SCHIP1: variants seen among roughly 807,000 people sequenced by gnomAD.
The protein encoded by SCHIP1 is schwannomin-interacting protein 1.
In SCHIP1, 8 loss-of-function variants were observed where a neutral mutation model predicts 29.7. The observed-to-expected ratio is 0.27, with a 90% CI of 0.16 to 0.49. The LOEUF (loss-of-function observed/expected upper bound fraction) is 0.49. Ranked by LOEUF, SCHIP1 falls within the 20% of genes least tolerant of loss-of-function variation. SCHIP1 has a pLI of 0.99. For synonymous variants in SCHIP1, 76 were observed against 94.9 expected, an observed-to-expected ratio of 0.80 and a Z score of 1.16; for missense variants, 193 against 294.6, an observed-to-expected ratio of 0.66 and a Z score of 2.52.
chr3:159,278,589 A>G, the SCHIP1 span, among the ~76,000 whole-genome samples: 1 of 152,166 alleles, frequency 6.6e-6, no homozygotes, highest in Non-Finnish European at 1.5e-5. Context: ...CTGTATAGCT[A>G]TAGCTGCATC....
chr3:159,712,386 T>C, the SCHIP1 span, among the ~76,000 whole-genome samples: 2 of 152,196 alleles, frequency 1.3e-5, no homozygotes, highest in East Asian at 1.9e-4. Flanking sequence ...TTTTAAAAAA[T>C]TAATGGATGG....
chr3:159,713,256 GAAAGA>G, the SCHIP1 span, among the ~76,000 whole-genome samples: 1 of 147,264 alleles, frequency 6.8e-6, no homozygotes, highest in Non-Finnish European at 1.5e-5. Context: ...AAGAAAGAAA[GAAAGA>G]AAGAAAGAAA....
intron 1 of SCHIP1, among the ~76,000 whole-genome samples, chr3:159,843,298 C>T (rs1205032519): frequency 3.3e-5 from 5 of 151,700 alleles, no homozygotes; most frequent in African/African-American, 7.3e-5. Flanking sequence ...CAGGCATGAG[C>T]GCGGCCTATC....
chr3:159,602,027 A>G, the SCHIP1 span, among the ~76,000 whole-genome samples: 1 of 152,214 alleles, frequency 6.6e-6, no homozygotes, highest in Non-Finnish European at 1.5e-5. Context: ...GTCTGGTTCA[A>G]TAACCTCATA....
the SCHIP1 span, among the ~76,000 whole-genome samples, chr3:159,547,337 G>T: frequency 8.3e-3 from 1,268 of 152,218 alleles, 20 homozygotes; most frequent in African/African-American, 0.029. Context: ...TAGAGAGATT[G>T]CAAAAATTTT....
the SCHIP1 span, among the ~76,000 whole-genome samples, chr3:159,559,918 A>G: frequency 1.3e-5 from 2 of 152,338 alleles, no homozygotes; most frequent in East Asian, 1.9e-4. Context: ...TTCTTAAATG[A>G]CTGATTATTG....
At chr3:159,740,769 A>AAG in the SCHIP1 span, among the ~76,000 whole-genome samples, 1 of 120,234 alleles carries the variant, frequency 8.3e-6, no homozygotes, top group South Asian at 2.8e-4. Context: ...TTCAAAAAAA[A>AAG]AGAAAAAAAA....
chr3:159,867,717 G>A (rs1714766653), intron 2 of SCHIP1, among the ~76,000 whole-genome samples: 1 of 152,142 alleles, frequency 6.6e-6, no homozygotes, highest in Non-Finnish European at 1.5e-5. Flanking sequence ...TTTGGCCTAG[G>A]AACCTGGAGA....
At chr3:159,705,275 A>G in the SCHIP1 span, among the ~76,000 whole-genome samples, 2 of 151,876 alleles carry the variant, frequency 1.3e-5, no homozygotes, top group Non-Finnish European at 2.9e-5. Context: ...ACAATACAAT[A>G]TTTTCAAAAA....
the SCHIP1 span, among the ~76,000 whole-genome samples, chr3:159,399,825 C>G: frequency 6.6e-6 from 1 of 152,162 alleles, no homozygotes; most frequent in Non-Finnish European, 1.5e-5. Context: ...TATAGGCACA[C>G]ACCACCATGC....
At chr3:159,711,392 A>G in the SCHIP1 span, among the ~76,000 whole-genome samples, 1 of 80,386 alleles carries the variant, frequency 1.2e-5, no homozygotes, top group Non-Finnish European at 2.0e-5. Context: ...AAAAAAAAAA[A>G]AAAAAGAAAT....
the SCHIP1 span, among the ~76,000 whole-genome samples, chr3:159,411,898 G>T: frequency 6.6e-6 from 1 of 152,096 alleles, no homozygotes; most frequent in African/African-American, 2.4e-5. Flanking sequence ...GGAAAACATG[G>T]TAAGGTCACC....
chr3:159,876,354 T>C (rs1271359253), intron 2 of SCHIP1, among the ~76,000 whole-genome samples: 2 of 152,194 alleles, frequency 1.3e-5, no homozygotes, highest in Non-Finnish European at 2.9e-5. Context: ...GGGTCTGGCT[T>C]GGAATCTTGA....
the SCHIP1 span, among the ~76,000 whole-genome samples, chr3:159,333,051 G>A: frequency 2.0e-5 from 3 of 152,102 alleles, no homozygotes; most frequent in East Asian, 5.8e-4. Context: ...GATACTGAAA[G>A]ACTGTTACTT....
At chr3:159,517,395 G>A in the SCHIP1 span, among the ~76,000 whole-genome samples, 1 of 152,094 alleles carries the variant, frequency 6.6e-6, no homozygotes, top group African/African-American at 2.4e-5. Flanking sequence ...CTGCTACCCA[G>A]TACATATTTT....
At chr3:159,443,261 G>A in the SCHIP1 span, among the ~76,000 whole-genome samples, 1 of 152,030 alleles carries the variant, frequency 6.6e-6, no homozygotes, top group East Asian at 1.9e-4. Flanking sequence ...TTCTGATCAG[G>A]TGTTCTATCT....
the SCHIP1 span, among the ~76,000 whole-genome samples, chr3:159,326,455 C>T: frequency 5.3e-3 from 806 of 152,136 alleles, 5 homozygotes; most frequent in Middle Eastern, 0.037. Context: ...CAATTATGTC[C>T]AAATATTATG....
At chr3:159,839,887 G>T in exon 1 of SCHIP1, 1 of 1,388,448 alleles carries the variant, frequency 7.2e-7, no homozygotes, top group Non-Finnish European at 9.3e-7. Flanking sequence ...AATATAATTG[G>T]CTGATTGTGC....
At chr3:159,385,603 AAC>A in the SCHIP1 span, among the ~76,000 whole-genome samples, 1 of 151,786 alleles carries the variant, frequency 6.6e-6, no homozygotes, top group African/African-American at 2.4e-5. Flanking sequence ...AAAAAAAAAA[AAC>A]CCAGAAATAA....
Sources: allele counts gnomAD v4.1 joint callset (sites outside exome capture counted in the v4.1 genomes callset), GRCh38; gene constraint gnomAD v4.1.1; transcripts MANE v1.5; gene names NCBI Gene and HGNC (gene_info 2026-07-23, HGNC 2026-07-21).